LAMA4: variants seen among roughly 807,000 people sequenced by gnomAD.
LAMA4 encodes the protein laminin subunit alpha-4.
In LAMA4, 127 loss-of-function variants were observed where a neutral mutation model predicts 207.1. The observed-to-expected ratio is 0.61, with a 90% CI of 0.53 to 0.71. The LOEUF is 0.71. Ranked by LOEUF, LAMA4 falls within the 30% of genes least tolerant of loss-of-function variation. The pLI, the probability that LAMA4 is intolerant of heterozygous loss-of-function variation, is 0.00. For missense variants in LAMA4, 2,093 were observed against 2,246.5 expected (o/e 0.93, Z 1.38); for synonymous variants, 761 against 816.0 (o/e 0.93, Z 1.15).
Position 112,195,938 on chromosome 6 carries a change from T to TACACACAC in LAMA4, c.504-4096_504-4089dup, listed in dbSNP as rs149514155. On this transcript the variant is annotated intron_variant, in intron 5 of 38. Transcript: ENST00000230538. ...TCCTCATCTTTTTAAATGAACTAAG[T>TACACACAC]ACACACACACACACACACACACACA... Among the ~76,000 whole-genome samples the TACACACAC allele has an allele frequency of 7.2e-3, 1,056 of 147,440 alleles. 12 individuals carry two copies. Among genetic ancestry groups the TACACACAC allele is most frequent in the African/African-American group, 0.023 (940 of 40,274 alleles).
intron 30 of LAMA4, 54 bp downstream of exon 30, chr6:112,129,822 G>T: frequency 1.5e-6 from 2 of 1,343,846 alleles, no homozygotes; most frequent in South Asian, 2.5e-5. Flanking sequence ...TTTTGCTGTT[G>T]TCTTGATTTT....
rs1554336736 is a variant in LAMA4 at position 112,155,618 on chromosome 6, C to T, written c.1906G>A (p.Glu636Lys). The stretch of plus-strand genomic sequence containing the variant: ...GCAAATTCTGCTGTTTCATTGGCTT[C>T]ACTAACATAATTAACAATATTTTCA... ...VYENIVNYVS[E>K]ANETAEFALN... is the part of the protein sequence containing the mutation. The change falls in exon 15 of 39, where the codon GAA (glutamate) becomes AAA (lysine). Residue 636 changes from glutamate (E) to lysine (K), a missense_variant. Physicochemically the swap from Glu to Lys is moderately conservative, Grantham distance 56. Coordinates refer to ENST00000230538, the MANE Select transcript of LAMA4 (RefSeq NM_001105206.3). The T allele has an allele frequency of 6.2e-7, 1 of 1,614,088 alleles. No homozygotes were observed. Among genetic ancestry groups the T allele is most frequent in the East Asian group, 2.2e-5 (1 of 44,876 alleles).
At chr6:112,219,255 C>T (rs545440575) in intron 2 of LAMA4, 2 of 152,232 alleles carry the variant, frequency 1.3e-5, no homozygotes, top group East Asian at 3.9e-4. Flanking sequence ...TTAATGTAAT[C>T]GTTATCCTTA....
chr6:112,187,408 C>G, intron 8 of LAMA4, 42 bp downstream of exon 8: 1 of 1,612,744 alleles, frequency 6.2e-7, no homozygotes, highest in Non-Finnish European at 8.5e-7. Flanking sequence ...GCCTGTGAAG[C>G]CAGGATGAAA....
chr6:112,187,330 T>A (rs782670340), intron 8 of LAMA4, 120 bp downstream of exon 8: 1 of 1,138,372 alleles, frequency 8.8e-7, no homozygotes, highest in South Asian at 1.3e-5. Context: ...GACCTACAGG[T>A]CTAACAACCT....
intron 31 of LAMA4, among the ~76,000 whole-genome samples, chr6:112,124,123 C>G (rs1420955259): frequency 6.6e-6 from 1 of 152,182 alleles, no homozygotes; most frequent in Non-Finnish European, 1.5e-5. Flanking sequence ...AAAGGCCCAG[C>G]TGGAAATACT....
At chr6:112,173,331 A>G (rs1263251194) in intron 11 of LAMA4, among the ~76,000 whole-genome samples, 1 of 152,200 alleles carries the variant, frequency 6.6e-6, no homozygotes, top group African/African-American at 2.4e-5. Context: ...TAAACTTTGC[A>G]TGTGTCTTTT....
rs113459523 is a variant in LAMA4 at position 112,161,061 on chromosome 6, T to A, written c.1669-2181A>T. Among the ~76,000 whole-genome samples the A allele has an allele frequency of 4.2e-3, 646 of 152,348 alleles. 4 individuals carry two copies. Among genetic ancestry groups the A allele is most frequent in the African/African-American group, 0.015 (616 of 41,592 alleles). On this transcript the variant is annotated intron_variant, in intron 13 of 38. Coordinates refer to ENST00000230538, the MANE Select transcript of LAMA4 (RefSeq NM_001105206.3). ...TGTTGTTTTAATGCTCCACAATTTT[T>A]TCTGGTCTCTTACCTCTGCAAATAT...
chr6:112,179,897 A>G lies in LAMA4; in HGVS notation c.1078-1665T>C, dbSNP rs561530916. 115 of 532,570 alleles carry G rather than the reference A, an allele frequency of 2.2e-4. 2 individuals are homozygous for G. The highest frequency in any genetic ancestry group is 1.5e-3 in the South Asian group (105 of 71,274). The allele number at this position is 532,570 out of a possible 1,614,324, so 33.0% of individuals were successfully genotyped here. ...CTCTCTGAATGGACACTGTCTTCTGAGTCATTATACTCCTTCCTGCAATTC... is the reference window on the plus strand; with the variant it reads ...CTCTCTGAATGGACACTGTCTTCTGGGTCATTATACTCCTTCCTGCAATTC... On this transcript the variant is annotated intron_variant, in intron 9 of 38. Transcript: ENST00000230538.
At position 112,122,143 on chromosome 6, in the gene LAMA4, C is replaced by T. The variant is rs782695193; in HGVS notation, c.4346G>A (p.Arg1449Gln). 38 of 1,613,720 alleles carry T rather than the reference C, an allele frequency of 2.4e-5. 1 individual carries two copies. Among genetic ancestry groups the T allele is most frequent in the Middle Eastern group, 1.6e-4 (1 of 6,082 alleles). Reference protein sequence around the residue: ...WDPVALKLPERNTPRNSHCHL... With the variant: ...WDPVALKLPEQNTPRNSHCHL... ...GCAATGAGAGTTTCTTGGAGTATTC[C>T]GCTCTGGGAGTTTCAGAGCAACAGG... The change falls in exon 32 of 39, where the codon CGG (arginine) becomes CAG (glutamine). Residue 1449 changes from arginine (R) to glutamine (Q), a missense_variant. Around this residue, in one of 3 missense-constraint regions of LAMA4, gnomAD observed 1,704 missense variants for 1,788.4 expected, o/e 0.95. Transcript: ENST00000230538.
intron 2 of LAMA4, among the ~76,000 whole-genome samples, chr6:112,238,156 G>A (rs1267371208): frequency 6.6e-6 from 1 of 152,180 alleles, no homozygotes; most frequent in Non-Finnish European, 1.5e-5. Flanking sequence ...TGTTCCACCA[G>A]GAGTGAATGT....
chr6:112,109,761 T>C (rs1777594620), intron 38 of LAMA4, among the ~76,000 whole-genome samples, 179 bp from the exon 39 acceptor site: 1 of 138,972 alleles, frequency 7.2e-6, no homozygotes, highest in Non-Finnish European at 1.5e-5. Flanking sequence ...TGAAGTCCTA[T>C]GGACATGTGG....
chr6:112,228,641 A>T (rs1785364638), intron 2 of LAMA4, among the ~76,000 whole-genome samples: 1 of 152,226 alleles, frequency 6.6e-6, no homozygotes, highest in South Asian at 2.1e-4. Context: ...AGCCTGTTAC[A>T]CAAAGCCAGG....
chr6:112,229,163 G>A (rs1554363712), intron 2 of LAMA4, among the ~76,000 whole-genome samples: 1 of 152,102 alleles, frequency 6.6e-6, no homozygotes. Context: ...TATTAAATAC[G>A]ACACCAGAAA....
intron 2 of LAMA4, among the ~76,000 whole-genome samples, chr6:112,226,641 C>T (rs549324873): frequency 3.2e-4 from 48 of 152,292 alleles, no homozygotes; most frequent in Middle Eastern, 3.4e-3. Flanking sequence ...ATTTTTGTGT[C>T]CTCATCACCT....
intron 13 of LAMA4, among the ~76,000 whole-genome samples, chr6:112,162,965 C>CTTTTTTTTTTTTTTTTTTT (rs34824903): frequency 2.2e-5 from 2 of 91,248 alleles, no homozygotes; most frequent in African/African-American, 9.2e-5. Context: ...CAGCTCAAAT[C>CTTTTTTTTTTTTTTTTTTT]TTTTTTTTTT....
chr6:112,201,077 C>T (rs1202954400), intron 5 of LAMA4, among the ~76,000 whole-genome samples: 1 of 150,740 alleles, frequency 6.6e-6, no homozygotes, highest in African/African-American at 2.4e-5. Flanking sequence ...TATGTAAATA[C>T]CAGCCAGAGA....
At chr6:112,148,545 AC>A (rs1780175846) in intron 17 of LAMA4, among the ~76,000 whole-genome samples, 1 of 152,200 alleles carries the variant, frequency 6.6e-6, no homozygotes, top group South Asian at 2.1e-4. Flanking sequence ...ATTTCCTATA[AC>A]CTGGTAAGAA....
chr6:112,234,886 A>G (rs568753240), intron 2 of LAMA4: 2 of 152,348 alleles, frequency 1.3e-5, no homozygotes, highest in South Asian at 4.1e-4. Flanking sequence ...AGAAGTTTGG[A>G]GAACCTTACA....
Sources: gnomAD v4.1 joint callset for allele counts (sites outside exome capture counted in the v4.1 genomes callset) on GRCh38, gnomAD v4.1.1 for gene constraint, gnomAD v4.1.1 regional missense constraint, MANE v1.5 for transcripts, NCBI Gene and HGNC (gene_info 2026-07-23, HGNC 2026-07-21) for gene names.